The following ZAN variants were observed in gnomAD, a reference collection of about 807,000 sequenced individuals.
The protein encoded by ZAN is zonadhesin, also known as zonadhesin (gene/pseudogene).
A neutral mutation model predicts 286.2 loss-of-function variants in ZAN; 260 were observed. The observed-to-expected ratio is 0.91, with a 90% CI of 0.82 to 1.01. The LOEUF is 1.01. Ranked by LOEUF, ZAN falls within the 50% of genes least tolerant of loss-of-function variation. ZAN has a pLI of 0.00. For missense variants in ZAN, 3,410 were observed against 3,639.2 expected, an observed-to-expected ratio of 0.94 and a Z score of 1.62; for synonymous variants, 1,368 against 1,417.5, an observed-to-expected ratio of 0.97 and a Z score of 0.79.
At chr7:100,779,804 T>C (rs1811084516) in intron 35 of ZAN, 54 bp downstream of exon 35, 1 of 1,482,616 alleles carries the variant, frequency 6.7e-7, no homozygotes, top group Non-Finnish European at 9.0e-7. Flanking sequence ...TTTCCCTCTC[T>C]GCTTCCCTGA....
At position 100,767,848 on chromosome 7, in the gene ZAN, G is replaced by A. The variant is rs781625150; in HGVS notation, c.4878G>A (p.Val1626=). ...GCKVMLNGHR[V]ALPVWLAQGR... ...CTCTGCAGCTGAATGGCCATCGGGTGGCCCTACCTGTGTGGCTTGCACAAG... is the reference window on the plus strand; with the variant it reads ...CTCTGCAGCTGAATGGCCATCGGGTAGCCCTACCTGTGTGGCTTGCACAAG... The change falls in exon 26 of 48, where the codon GTG becomes GTA. Residue 1626 remains valine (V), a synonymous_variant. Coordinates refer to ENST00000613979, the MANE Select transcript of ZAN (RefSeq NM_003386.3). The A allele has an allele frequency of 6.8e-6, 11 of 1,613,554 alleles. No individual in the cohort carries two copies. The highest frequency in any genetic ancestry group is 7.6e-6 in the Non-Finnish European group (9 of 1,179,748).
At chr7:100,770,503 CAAA>C (rs71126334) in intron 28 of ZAN, among the ~76,000 whole-genome samples, 3 of 93,694 alleles carry the variant, frequency 3.2e-5, no homozygotes, top group African/African-American at 4.3e-5. Context: ...GACTCTGTCT[CAAA>C]AAAAAAAAAA....
intron 11 of ZAN, 83 bp downstream of exon 11, chr7:100,748,553 G>C (rs1808396364): frequency 6.6e-7 from 1 of 1,518,648 alleles, no homozygotes; most frequent in Admixed American, 2.1e-5. Flanking sequence ...ACTGATGGGA[G>C]ACGTTGTTTC....
Position 100,789,244 on chromosome 7 carries a change from C to G in ZAN, c.7254C>G (p.Pro2418=). The G allele has an allele frequency of 6.2e-7, 1 of 1,613,892 alleles. No individual in the cohort carries two copies. The highest frequency in any genetic ancestry group is 8.5e-7 in the Non-Finnish European group (1 of 1,179,864). ...LVVNNQKMAV[P]YRPNEHLRVT... Reference sequence around the variant, plus strand: ...TCAACAACCAGAAGATGGCCGTCCCCTACAGGCCAAATGAACACCTGCGGG... The same window carrying G: ...TCAACAACCAGAAGATGGCCGTCCCGTACAGGCCAAATGAACACCTGCGGG... Residue 2418 remains proline, a synonymous_variant, in exon 39 of 48, where the codon CCC becomes CCG. Transcript: ENST00000613979.
chr7:100,794,231 G>A lies in ZAN; in HGVS notation c.8098G>A (p.Gly2700Arg), dbSNP rs1273467891. 1 of 1,610,800 alleles carries A rather than the reference G, an allele frequency of 6.2e-7. No individual in the cohort carries two copies. Among genetic ancestry groups the A allele is most frequent in the African/African-American group, 1.3e-5 (1 of 74,868 alleles). ...SCRAGEVCTLGNHTQGCFPES... is the reference protein window; with the variant it reads ...SCRAGEVCTLRNHTQGCFPES... Reference sequence around the variant, plus strand: ...CAGAGCGGGGGAGGTCTGCACCCTGGGGAACCACACCCAAGGCTGCTTTCC... The same window carrying A: ...CAGAGCGGGGGAGGTCTGCACCCTGAGGAACCACACCCAAGGCTGCTTTCC... Residue 2700 changes from glycine (G) to arginine (R), a missense_variant, in exon 44 of 48, where the codon GGG becomes AGG. Gly to Arg is a moderately radical substitution (Grantham distance 125, BLOSUM62 -2). Transcript: ENST00000613979.
chr7:100,750,986 A>C, intron 12 of ZAN, 90 bp downstream of exon 12: 1 of 1,495,896 alleles, frequency 6.7e-7, no homozygotes, highest in Non-Finnish European at 8.9e-7. Flanking sequence ...AAGAGGTGGA[A>C]AGCTGGAAAG....
chr7:100,749,626 T>C (rs796731179), intron 11 of ZAN, among the ~76,000 whole-genome samples: 64 of 115,538 alleles, frequency 5.5e-4, no homozygotes, highest in Admixed American at 1.0e-3. Flanking sequence ...GGTGACAGAG[T>C]GAGACTCCGT....
intron 37 of ZAN, among the ~76,000 whole-genome samples, chr7:100,787,553 CTTTTGTTTTGTT>C (rs557286008): frequency 0.042 from 6,431 of 151,514 alleles, 192 homozygotes; most frequent in Non-Finnish European, 0.065. Context: ...CCTTCTCAGT[CTTTTGTTTTGTT>C]TTTTGTTTTT....
chr7:100,792,573 C>G lies in ZAN; in HGVS notation c.7787+94C>G, dbSNP rs374028516. On this transcript the variant is annotated intron_variant, in intron 42 of 47. Coordinates refer to ENST00000613979, the MANE Select transcript of ZAN (RefSeq NM_003386.3). ...AGGTGTTGCCCCTCCCTGTGCCGAC[C>G]CTGACCCCTCTGCCGTCCACCTCTG... is the stretch of plus-strand genomic sequence containing the variant. 21 of 1,571,942 alleles carry G rather than the reference C, an allele frequency of 1.3e-5. No homozygotes were observed. The South Asian group carries it at 1.8e-4, about 13-fold the overall frequency.
At chr7:100,745,959 C>A (rs1016251639) in intron 7 of ZAN, among the ~76,000 whole-genome samples, 1 of 151,680 alleles carries the variant, frequency 6.6e-6, no homozygotes, top group Non-Finnish European at 1.5e-5. Flanking sequence ...TGTGATGGCT[C>A]ATGTCTGTAA....
intron 19 of ZAN, among the ~76,000 whole-genome samples, 176 bp downstream of exon 19, chr7:100,760,712 C>A (rs1403881539): frequency 6.6e-6 from 1 of 152,106 alleles, no homozygotes; most frequent in Non-Finnish European, 1.5e-5. Context: ...TCCCTTTGGA[C>A]CAGGAGACAG....
In ZAN at chr7:100,775,765, G is replaced by C; in HGVS notation, c.6124G>C (p.Gly2042Arg). Residue 2042 changes from glycine to arginine, a missense_variant, in exon 33 of 48, where the codon GGG becomes CGG. Gly to Arg is a moderately radical substitution (Grantham distance 125). Coordinates refer to ENST00000613979, the MANE Select transcript of ZAN (RefSeq NM_003386.3). ...CTACAGCATTGTTAACATCAAGATCGGGGTGCAAGTCAAGTTTGACGGGAA... is the reference window on the plus strand; with the variant it reads ...CTACAGCATTGTTAACATCAAGATCCGGGTGCAAGTCAAGTTTGACGGGAA... ...SIYSIVNIKI[G>R]VQVKFDGNHL... The C allele has an allele frequency of 1.2e-6, 2 of 1,613,916 alleles. No individual in the cohort carries two copies. Among genetic ancestry groups the C allele is most frequent in the Non-Finnish European group, 8.5e-7 (1 of 1,179,892 alleles).
chr7:100,738,874 TCTC>T lies in ZAN; in HGVS notation c.766+263_766+265del, dbSNP rs1248441952. Among the ~76,000 whole-genome samples, 4 of 5,350 alleles carry T rather than the reference TCTC, an allele frequency of 7.5e-4. 1 individual carries two copies. The highest frequency in any genetic ancestry group is 7.9e-4 in the Non-Finnish European group (2 of 2,538). 3.5% of individuals were successfully genotyped at this position (5,350 alleles called of 152,430 possible). A position where few individuals can be genotyped will look rare whatever the true frequency, so the allele number is the denominator to read the frequency against. On this transcript the variant is annotated intron_variant, in intron 7 of 47. Transcript: ENST00000613979. Reference sequence around the variant, plus strand: ...TTCTTCTTTCTCTTCCTCTTCTTCTTCTCCCTCTCCCTCTCCCTCTCCCTCTCC... The same window carrying T: ...TTCTTCTTTCTCTTCCTCTTCTTCTTCCTCTCCCTCTCCCTCTCCCTCTCC...
intron 7 of ZAN, among the ~76,000 whole-genome samples, chr7:100,744,858 A>T (rs1431744090): frequency 2.1e-5 from 3 of 142,642 alleles, no homozygotes; most frequent in Non-Finnish European, 3.0e-5. Flanking sequence ...TGTTTCTCAT[A>T]GGTCTCCTTG....
In ZAN at chr7:100,764,198, T is replaced by G. The variant is rs566640648; in HGVS notation, c.4267+2T>G. ...CCTGGAGGGAACCCCACTTCTGCCG[T>G]GAGTTGTGCCAAACTCAGAGGAGAG... is the stretch of plus-strand genomic sequence containing the variant. On this transcript the variant is annotated splice_donor_variant, in intron 22 of 47. Coordinates refer to ENST00000613979, the MANE Select transcript of ZAN (RefSeq NM_003386.3). LOFTEE classifies it high-confidence loss of function. 6.5e-7 allele frequency: 1 copy of G among 1,544,504 alleles called. No individual in the cohort carries two copies. Among genetic ancestry groups the G allele is most frequent in the South Asian group, 1.2e-5 (1 of 83,906 alleles).
chr7:100,750,434 C>T lies in ZAN; in HGVS notation c.1250-191C>T, dbSNP rs369185312. 7.9e-5 allele frequency among the ~76,000 whole-genome samples: 12 copies of T among 152,292 alleles called. No individual in the cohort carries two copies. In the South Asian group the frequency reaches 1.2e-3, roughly 16 times the overall value. Reference sequence around the variant, plus strand: ...ACAGGCATGAGCCACCGTGCCTGGCCGCTTTTCCCTTTCTTTGTGATCCCA... The same window carrying T: ...ACAGGCATGAGCCACCGTGCCTGGCTGCTTTTCCCTTTCTTTGTGATCCCA... On this transcript the variant is annotated intron_variant, in intron 11 of 47. Coordinates refer to ENST00000613979, the MANE Select transcript of ZAN (RefSeq NM_003386.3).
intron 35 of ZAN, 148 bp downstream of exon 35, chr7:100,779,898 A>G (rs1454480258): frequency 1.0e-6 from 1 of 991,092 alleles, no homozygotes; most frequent in Non-Finnish European, 1.4e-6. Flanking sequence ...TTTAATTTTT[A>G]TATAAAATTT....
intron 18 of ZAN, 127 bp from the exon 19 acceptor site, chr7:100,760,264 C>T: frequency 7.8e-7 from 1 of 1,286,516 alleles, no homozygotes; most frequent in Non-Finnish European, 1.1e-6. Flanking sequence ...CCAGTCCACT[C>T]CTGGTGGATG....
At position 100,792,617 on chromosome 7, in the gene ZAN, A is replaced by G. The variant is rs145505082; in HGVS notation, c.7787+138A>G. 976 of 1,469,962 alleles carry G rather than the reference A, an allele frequency of 6.6e-4. 11 individuals are homozygous for G. The African/African-American group carries it at 0.013, about 19-fold the overall frequency. The allele number at this position is 1,469,962 out of a possible 1,614,324, so 91.1% of individuals were successfully genotyped here. On this transcript the variant is annotated intron_variant, in intron 42 of 47. Coordinates refer to ENST00000613979, the MANE Select transcript of ZAN (RefSeq NM_003386.3). ...ACCTCTGCTGAACGCTCTTCCCACC[A>G]TTGCCTCATCTCGGGCTTTCTGTCT...
Sources: allele counts gnomAD v4.1 joint callset (sites outside exome capture counted in the v4.1 genomes callset), GRCh38; gene constraint gnomAD v4.1.1; transcripts MANE v1.5; gene names NCBI Gene and HGNC (gene_info 2026-07-23, HGNC 2026-07-21).